PKP1: variants seen among roughly 807,000 people sequenced by gnomAD.
PKP1 encodes plakophilin-1.
Under a neutral mutation model 76.4 loss-of-function variants are expected in PKP1, and 27 were observed. The observed-to-expected ratio is 0.35, with a 90% confidence interval of 0.26 to 0.49. The LOEUF is 0.49. Ranked by LOEUF, PKP1 falls within the 20% of genes least tolerant of loss-of-function variation. The pLI is 0.99. For synonymous variants in PKP1, 404 were observed against 384.2 expected (o/e 1.05, Z -0.60); for missense variants, 964 against 955.2 (o/e 1.01, Z -0.12).
At chr1:201,325,724 A>G (rs1657099456) in intron 11 of PKP1, 30 bp from the exon 12 acceptor site, 2 of 1,544,932 alleles carry the variant, frequency 1.3e-6, no homozygotes, top group East Asian at 4.5e-5. Flanking sequence ...CTGGAATCTC[A>G]TCTCACAAAT....
rs73074652 is a variant in PKP1, at chr1:201,322,998, G to A, written c.1504-15G>A. 6 of 1,613,416 alleles carry A rather than the reference G, an allele frequency of 3.7e-6. No individual in the cohort carries two copies. The African/African-American group carries it at 8.0e-5, about 22-fold the overall frequency. ...GGCTCCCCATTGACCCCCCTGACCG[G>A]CTCTTTATCCTCAGAACAACAACTA... On this transcript the variant is annotated splice_polypyrimidine_tract_variant and intron_variant, in intron 8 of 13. Coordinates refer to ENST00000367324, the MANE Select transcript of PKP1 (RefSeq NM_001005337.3).
rs528615753 is a variant in PKP1 at position 201,302,846 on chromosome 1, G to T, written c.306+8801G>T. 2.5e-3 allele frequency among the ~76,000 whole-genome samples: 382 copies of T among 152,342 alleles called. 5 individuals are homozygous for T. The highest frequency in any genetic ancestry group is 6.3e-4 in the Non-Finnish European group (43 of 68,026). On this transcript the variant is annotated intron_variant, in intron 2 of 13. Transcript: ENST00000367324. ...GCCGCTTGTGACTTCAGCAAGGGGT[G>T]AATCACAGGCTGCCGAACTGCCGAA...
chr1:201,295,353 A>G (rs1656041657), intron 2 of PKP1, among the ~76,000 whole-genome samples: 1 of 152,152 alleles, frequency 6.6e-6, no homozygotes, highest in African/African-American at 2.4e-5. Flanking sequence ...CTGTGAATTT[A>G]CTTCCCTCGC....
At chr1:201,295,726 C>G (rs1656051905) in intron 2 of PKP1, among the ~76,000 whole-genome samples, 1 of 152,154 alleles carries the variant, frequency 6.6e-6, no homozygotes, top group Non-Finnish European at 1.5e-5. Flanking sequence ...CCTCAGTTTT[C>G]TCATCCATAA....
chr1:201,286,103 T>G (rs756868004), intron 1 of PKP1, among the ~76,000 whole-genome samples: 2 of 152,314 alleles, frequency 1.3e-5, no homozygotes, highest in South Asian at 4.1e-4. Context: ...CGTCCCCTAT[T>G]TGCTCTGCGG....
intron 2 of PKP1, among the ~76,000 whole-genome samples, chr1:201,296,016 G>T (rs1656059165): frequency 6.6e-6 from 1 of 152,050 alleles, no homozygotes; most frequent in South Asian, 2.1e-4. Context: ...CCCATTTCCT[G>T]ACAACCAGTG....
At chr1:201,318,576 C>G (rs1303966009) in intron 5 of PKP1, 42 bp from the exon 6 acceptor site, 1 of 1,599,538 alleles carries the variant, frequency 6.3e-7, no homozygotes, top group Non-Finnish European at 8.6e-7. Flanking sequence ...CTAGGGCATC[C>G]TGAGCCTGGC....
chr1:201,319,930 C>A (rs756802484), intron 6 of PKP1: 1 of 1,578,406 alleles, frequency 6.3e-7, no homozygotes, highest in Non-Finnish European at 8.7e-7. Context: ...GGAGCCATTG[C>A]CAGTTATAAA....
At chr1:201,297,768 T>C (rs2102158384) in intron 2 of PKP1, among the ~76,000 whole-genome samples, 1 of 152,250 alleles carries the variant, frequency 6.6e-6, no homozygotes, top group Non-Finnish European at 1.5e-5. Flanking sequence ...AATCCCTCCA[T>C]TTCCTCCCTT....
intron 2 of PKP1, among the ~76,000 whole-genome samples, chr1:201,309,551 CA>C (rs1333392951): frequency 6.6e-6 from 1 of 152,140 alleles, no homozygotes; most frequent in Non-Finnish European, 1.5e-5. Context: ...ATGGGATAAC[CA>C]GACAAGAGGT....
intron 7 of PKP1, among the ~76,000 whole-genome samples, chr1:201,321,319 C>G (rs919154404): frequency 6.6e-6 from 1 of 152,184 alleles, no homozygotes; most frequent in Non-Finnish European, 1.5e-5. Context: ...CCAGCAAGGG[C>G]CAAACATCAT....
Position 201,283,567 on chromosome 1 carries a change from C to A in PKP1, c.-136C>A, listed in dbSNP as rs1655634860. On this transcript the variant is annotated 5_prime_UTR_variant, in exon 1 of 14. Transcript: ENST00000367324. ...GGAGCAGCTGCAGGGAGCCCTCACG[C>A]GGACCACGCACTCTATGGCCGTAGG... The A allele has an allele frequency of 5.1e-6, 4 of 787,448 alleles. No homozygotes were observed. Among genetic ancestry groups the A allele is most frequent in the Non-Finnish European group, 8.6e-6 (4 of 466,518 alleles). The allele number at this position is 787,448 out of a possible 1,614,324, so 48.8% of individuals were successfully genotyped here.
Position 201,323,186 on chromosome 1 carries a change from G to C in PKP1, c.1677G>C (p.Gly559=). Residue 559 remains glycine, a synonymous_variant, in exon 9 of 14, where the codon GGG becomes GGC. Coordinates refer to ENST00000367324, the MANE Select transcript of PKP1 (RefSeq NM_001005337.3). ...GALQNLTASK[G]LMSSGMSQLI... is the part of the protein sequence containing the mutation. Reference sequence around the variant, plus strand: ...TGCAGAACCTGACAGCCAGCAAGGGGCTGGTGAGTGGGACTGTACCTTCTC... The same window carrying C: ...TGCAGAACCTGACAGCCAGCAAGGGCCTGGTGAGTGGGACTGTACCTTCTC... 6.2e-7 allele frequency: 1 copy of C among 1,613,776 alleles called. No homozygotes were observed. Among genetic ancestry groups the C allele is most frequent in the Non-Finnish European group, 8.5e-7 (1 of 1,179,902 alleles).
chr1:201,311,023 A>T (rs137982113), intron 2 of PKP1, among the ~76,000 whole-genome samples: 3 of 152,254 alleles, frequency 2.0e-5, no homozygotes, highest in African/African-American at 7.2e-5. Flanking sequence ...TTGGGCCAGG[A>T]TGAGTGTTTG....
intron 2 of PKP1, among the ~76,000 whole-genome samples, chr1:201,312,584 C>A (rs1005896244): frequency 1.3e-5 from 2 of 152,232 alleles, no homozygotes; most frequent in Non-Finnish European, 2.9e-5. Context: ...GCCGACAGCA[C>A]CCACGTAAAG....
intron 1 of PKP1, among the ~76,000 whole-genome samples, chr1:201,284,840 T>A (rs1655682628): frequency 6.6e-6 from 1 of 151,916 alleles, no homozygotes; most frequent in African/African-American, 2.4e-5. Flanking sequence ...CCAAGCTGGA[T>A]CCCGGGCCTG....
chr1:201,325,605 C>T, intron 11 of PKP1, 149 bp from the exon 12 acceptor site: 2 of 699,708 alleles, frequency 2.9e-6, no homozygotes, highest in South Asian at 1.6e-5. Context: ...CACCACACCC[C>T]AATGGGGCTC....
intron 1 of PKP1, among the ~76,000 whole-genome samples, chr1:201,288,445 T>C (rs527916976): frequency 6.6e-6 from 1 of 152,036 alleles, no homozygotes; most frequent in Non-Finnish European, 1.5e-5. Flanking sequence ...AATGCGTGAG[T>C]CCCACCCCCA....
chr1:201,306,425 G>A (rs751699558), intron 2 of PKP1, among the ~76,000 whole-genome samples: 2 of 152,228 alleles, frequency 1.3e-5, no homozygotes, highest in African/African-American at 4.8e-5. Flanking sequence ...AGGCTAAGAT[G>A]CCTTCTTTAT....
Sources: gnomAD v4.1 joint callset for allele counts (sites outside exome capture counted in the v4.1 genomes callset) on GRCh38, gnomAD v4.1.1 for gene constraint, MANE v1.5 for transcripts, NCBI Gene and HGNC (gene_info 2026-07-23, HGNC 2026-07-21) for gene names.